NTRK2: variants seen among roughly 807,000 people sequenced by gnomAD.
NTRK2 encodes the protein BDNF/NT-3 growth factors receptor.
A neutral mutation model predicts 94.5 loss-of-function variants in NTRK2; 13 were observed. That is an observed-to-expected ratio of 0.14 (90% CI 0.09 to 0.22). NTRK2 has a LOEUF of 0.22. Ranked by LOEUF, NTRK2 falls within the 10% of genes least tolerant of loss-of-function variation. The probability of loss-of-function intolerance (pLI) is 1.00; values close to 1 mark genes in which losing one functional copy is unlikely to be tolerated. For missense variants in NTRK2, 639 were observed against 1,071.2 expected (o/e 0.60, Z 5.63); for synonymous variants, 372 against 407.4 (o/e 0.91, Z 1.05).
chr9:84,858,614 C>T (rs1039215893), intron 12 of NTRK2, among the ~76,000 whole-genome samples: 28 of 151,848 alleles, frequency 1.8e-4, no homozygotes, highest in Non-Finnish European at 2.9e-4. Context: ...CCCAACCCTC[C>T]GTTGGAATAG....
intron 12 of NTRK2, among the ~76,000 whole-genome samples, chr9:84,758,511 C>T (rs2132602541): frequency 6.6e-6 from 1 of 152,236 alleles, no homozygotes; most frequent in East Asian, 1.9e-4. Flanking sequence ...CCTGTCTTAG[C>T]CTCCTGAGTA....
intron 14 of NTRK2, among the ~76,000 whole-genome samples, chr9:84,900,802 A>G (rs2076904332): frequency 6.6e-6 from 1 of 152,222 alleles, no homozygotes; most frequent in African/African-American, 2.4e-5. Flanking sequence ...GTATCGATTC[A>G]TTTAAAATTC....
upstream of NTRK2, among the ~76,000 whole-genome samples, chr9:84,668,993 CCCGGGCG>C (rs2058533580): frequency 1.3e-5 from 2 of 152,082 alleles, no homozygotes; most frequent in African/African-American, 4.8e-5. Context: ...GTCTCTATTT[CCCGGGCG>C]TGTGATGGCA....
rs188820406 is a variant in NTRK2, at chr9:84,932,509, C to A, written c.1634-1653C>A. Among the ~76,000 whole-genome samples the A allele has an allele frequency of 1.5e-4, 23 of 152,178 alleles. No homozygotes were observed. In the East Asian group the frequency reaches 4.1e-3, roughly 27 times the overall value. On this transcript the variant is annotated intron_variant, in intron 14 of 18. Transcript: ENST00000277120. ...TCCATTTTATTATTATTATTTACTG[C>A]AGTTTAAATTAAACTGCAGATATAT...
intron 12 of NTRK2, among the ~76,000 whole-genome samples, chr9:84,764,356 G>A (rs917880356): frequency 6.6e-6 from 1 of 152,178 alleles, no homozygotes; most frequent in African/African-American, 2.4e-5. Flanking sequence ...GGTTGCAGAG[G>A]TGTTTTTCTA....
rs752190523 is a variant in NTRK2, at chr9:84,724,360, C to A, written c.853+4C>A. The A allele has an allele frequency of 6.2e-7, 1 of 1,614,048 alleles. No homozygotes were observed. The highest frequency in any genetic ancestry group is 8.5e-7 in the Non-Finnish European group (1 of 1,179,962). On this transcript the variant is annotated splice_donor_region_variant and intron_variant, in intron 8 of 18. Transcript: ENST00000277120. Reference sequence around the variant, plus strand: ...TCTGTCAACCTCACTGTGCATTGTACGTAATCAGACTGGCATGTGTTTTTA... The same window carrying A: ...TCTGTCAACCTCACTGTGCATTGTAAGTAATCAGACTGGCATGTGTTTTTA...
intron 17 of NTRK2, among the ~76,000 whole-genome samples, chr9:84,987,197 T>G (rs1405479286): frequency 2.0e-5 from 3 of 152,208 alleles, no homozygotes; most frequent in Non-Finnish European, 4.4e-5. Context: ...ATTCTTGAAG[T>G]TTTATGTTAA....
At position 84,738,340 on chromosome 9, in the gene NTRK2, C is replaced by G. The variant is rs910437947; in HGVS notation, c.1160-3552C>G. ...TTTTTTTCTCATAGCTAGTGTTTGT[C>G]TTTCCTCAGTGACCTTTTAGTCCTG... On this transcript the variant is annotated intron_variant, in intron 9 of 18. Transcript: ENST00000277120. Among the ~76,000 whole-genome samples the G allele has an allele frequency of 3.9e-5, 6 of 151,904 alleles. 1 individual carries two copies. The highest frequency in any genetic ancestry group is 5.9e-5 in the Non-Finnish European group (4 of 68,008).
At chr9:84,768,633 A>G (rs1389990926) in intron 12 of NTRK2, among the ~76,000 whole-genome samples, 1 of 152,116 alleles carries the variant, frequency 6.6e-6, no homozygotes, top group Non-Finnish European at 1.5e-5. Flanking sequence ...ACCCCCAGAA[A>G]TTCATCATGA....
chr9:84,838,537 A>G (rs908445647), intron 12 of NTRK2, among the ~76,000 whole-genome samples: 1 of 152,078 alleles, frequency 6.6e-6, no homozygotes, highest in Non-Finnish European at 1.5e-5. Context: ...ATTATCAGAC[A>G]TGGGGTTGTA....
At chr9:84,869,179 G>T (rs1054642844) in intron 14 of NTRK2, among the ~76,000 whole-genome samples, 2 of 152,156 alleles carry the variant, frequency 1.3e-5, no homozygotes, top group South Asian at 2.1e-4. Flanking sequence ...CCTTAATCTG[G>T]AGTCTGTGGA....
At chr9:84,893,626 G>T (rs1160080503) in intron 14 of NTRK2, among the ~76,000 whole-genome samples, 1 of 152,102 alleles carries the variant, frequency 6.6e-6, no homozygotes, top group African/African-American at 2.4e-5. Flanking sequence ...TTTATTAGGA[G>T]GTCTGCCTTT....
intron 14 of NTRK2, among the ~76,000 whole-genome samples, chr9:84,896,431 C>T (rs1337071696): frequency 6.6e-6 from 1 of 152,114 alleles, no homozygotes; most frequent in African/African-American, 2.4e-5. Flanking sequence ...CACATTTTTT[C>T]CTCCCTAAGG....
chr9:84,839,701 A>G lies in NTRK2; in HGVS notation c.1397-21339A>G, dbSNP rs142225631. Reference sequence around the variant, plus strand: ...ATGCAGAGCAATCTGTGCATTCTTCAGGCCAGGCCCCAGCGTGCCTGTGGG... The same window carrying G: ...ATGCAGAGCAATCTGTGCATTCTTCGGGCCAGGCCCCAGCGTGCCTGTGGG... On this transcript the variant is annotated intron_variant, in intron 12 of 18. Transcript: ENST00000277120. Among the ~76,000 whole-genome samples the G allele has an allele frequency of 3.7e-3, 570 of 152,328 alleles. 3 individuals are homozygous for G. The highest frequency in any genetic ancestry group is 0.013 in the African/African-American group (535 of 41,578).
chr9:85,018,059 G>A (rs1175574071), intron 17 of NTRK2, among the ~76,000 whole-genome samples: 2 of 151,846 alleles, frequency 1.3e-5, no homozygotes, highest in African/African-American at 4.8e-5. Context: ...TGCCATGTTT[G>A]TATCTTAAGA....
chr9:84,914,403 A>C (rs527453521), intron 14 of NTRK2, among the ~76,000 whole-genome samples: 1 of 152,184 alleles, frequency 6.6e-6, no homozygotes, highest in East Asian at 1.9e-4. Context: ...ATTTTTCCTT[A>C]TTGAAATCTG....
chr9:84,938,979 G>A (rs185163931), intron 15 of NTRK2, among the ~76,000 whole-genome samples: 4 of 146,900 alleles, frequency 2.7e-5, no homozygotes, highest in Admixed American at 1.4e-4. Context: ...TTGAGCCTGG[G>A]AGGCAGAGGT....
At chr9:84,716,682 T>A (rs1484341081) in intron 6 of NTRK2, among the ~76,000 whole-genome samples, 2 of 152,214 alleles carry the variant, frequency 1.3e-5, no homozygotes. Flanking sequence ...GAGATCAGGT[T>A]TTATCTCCCA....
At chr9:84,912,549 A>G (rs1050963656) in intron 14 of NTRK2, among the ~76,000 whole-genome samples, 2 of 141,766 alleles carry the variant, frequency 1.4e-5, no homozygotes, top group African/African-American at 5.3e-5. Flanking sequence ...TAATATGGCC[A>G]TCTCTCCTTT....
Sources: allele counts gnomAD v4.1 joint callset (sites outside exome capture counted in the v4.1 genomes callset), GRCh38; gene constraint gnomAD v4.1.1; transcripts MANE v1.5; gene names NCBI Gene and HGNC (gene_info 2026-07-23, HGNC 2026-07-21).